The following SLC35F1 variants were observed in gnomAD, a reference collection of about 807,000 sequenced individuals.
The protein encoded by SLC35F1 is solute carrier family 35 member F1.
A neutral mutation model predicts 48.7 loss-of-function variants in SLC35F1; 14 were observed. That is an observed-to-expected ratio of 0.29 (90% CI 0.19 to 0.45). The LOEUF (loss-of-function observed/expected upper bound fraction) is 0.45, where lower values mean the gene tolerates loss of function less well. Ranked by LOEUF, SLC35F1 falls within the 20% of genes least tolerant of loss-of-function variation. SLC35F1 has a pLI of 1.00. For missense variants in SLC35F1, 404 were observed against 500.0 expected, an observed-to-expected ratio of 0.81 and a Z score of 1.83; for synonymous variants, 190 against 202.2, an observed-to-expected ratio of 0.94 and a Z score of 0.51.
chr6:118,306,223 C>T (rs955700238), intron 7 of SLC35F1, among the ~76,000 whole-genome samples: 6 of 152,114 alleles, frequency 3.9e-5, no homozygotes, highest in African/African-American at 1.2e-4. Context: ...TTCTGTCTTC[C>T]GGCAGAAGCG....
intron 1 of SLC35F1, among the ~76,000 whole-genome samples, chr6:118,067,599 T>C (rs757512317): frequency 3.9e-5 from 6 of 152,134 alleles, no homozygotes; most frequent in Non-Finnish European, 5.9e-5. Context: ...GGGGTAATGG[T>C]TAATAGTCTC....
At chr6:118,248,474 G>T (rs1364341522) in intron 3 of SLC35F1, among the ~76,000 whole-genome samples, 1 of 152,176 alleles carries the variant, frequency 6.6e-6, no homozygotes, top group Non-Finnish European at 1.5e-5. Context: ...GAAGTCCTTT[G>T]CAGGAGTCAG....
At chr6:118,197,272 C>CT (rs1395006536) in intron 2 of SLC35F1, among the ~76,000 whole-genome samples, 3 of 151,248 alleles carry the variant, frequency 2.0e-5, no homozygotes, top group Non-Finnish European at 4.4e-5. Context: ...CTTTCTATTT[C>CT]TTTTTTTGTC....
chr6:118,087,817 A>T (rs1162087351), intron 1 of SLC35F1, among the ~76,000 whole-genome samples: 1 of 152,182 alleles, frequency 6.6e-6, no homozygotes, highest in Non-Finnish European at 1.5e-5. Flanking sequence ...CTATTATGCT[A>T]ATGTTATTTA....
At chr6:118,008,507 G>A (rs964530304) in intron 1 of SLC35F1, among the ~76,000 whole-genome samples, 5 of 152,154 alleles carry the variant, frequency 3.3e-5, no homozygotes, top group Non-Finnish European at 5.9e-5. Flanking sequence ...GAGGAAGTTC[G>A]TAATAAAAGT....
At chr6:118,224,495 A>G (rs1554237827) in intron 2 of SLC35F1, among the ~76,000 whole-genome samples, 2 of 152,130 alleles carry the variant, frequency 1.3e-5, no homozygotes, top group African/African-American at 2.4e-5. Flanking sequence ...CCCAAGCTGA[A>G]TGCATCCTCC....
At chr6:118,205,503 G>A (rs1378935337) in intron 2 of SLC35F1, among the ~76,000 whole-genome samples, 1 of 152,218 alleles carries the variant, frequency 6.6e-6, no homozygotes, top group East Asian at 1.9e-4. Context: ...AAACCAGAAA[G>A]TAAGTGTTAG....
At chr6:118,049,245 T>C (rs1772348266) in intron 1 of SLC35F1, among the ~76,000 whole-genome samples, 1 of 152,062 alleles carries the variant, frequency 6.6e-6, no homozygotes, top group Admixed American at 6.6e-5. Context: ...ATGTTAGACC[T>C]AAAACCATAA....
chr6:118,188,137 A>T (rs1235900444), intron 2 of SLC35F1, among the ~76,000 whole-genome samples: 1 of 152,204 alleles, frequency 6.6e-6, no homozygotes, highest in African/African-American at 2.4e-5. Context: ...TGACAAAATG[A>T]TTCACTTTTT....
intron 1 of SLC35F1, among the ~76,000 whole-genome samples, chr6:117,935,308 CTATAAA>C: frequency 6.6e-6 from 1 of 152,122 alleles, no homozygotes; most frequent in Non-Finnish European, 1.5e-5. Flanking sequence ...AAGTTATGCT[CTATAAA>C]GTTGCTGCAA....
At chr6:118,204,831 C>T (rs1774914087) in intron 2 of SLC35F1, among the ~76,000 whole-genome samples, 1 of 152,146 alleles carries the variant, frequency 6.6e-6, no homozygotes, top group Admixed American at 6.5e-5. Context: ...ATACAGAGTT[C>T]GAAGAATCTT....
chr6:118,080,942 C>G lies in SLC35F1; in HGVS notation c.174-73503C>G, dbSNP rs139310354. On this transcript the variant is annotated intron_variant, in intron 1 of 7. Coordinates refer to ENST00000360388, the MANE Select transcript of SLC35F1 (RefSeq NM_001029858.4). ...ACCTGAAAATACTAACTGCCAGCCC[C>G]TCTCACCCCTTTATTGTGTAATATA... Among the ~76,000 whole-genome samples, 393 of 152,260 alleles carry G rather than the reference C, an allele frequency of 2.6e-3. 2 individuals are homozygous for G. The highest frequency in any genetic ancestry group is 9.2e-3 in the African/African-American group (381 of 41,552).
At chr6:118,277,198 A>C (rs914011507) in intron 5 of SLC35F1, among the ~76,000 whole-genome samples, 1 of 152,214 alleles carries the variant, frequency 6.6e-6, no homozygotes, top group African/African-American at 2.4e-5. Context: ...GCTTTTCAGA[A>C]AGTATCTGTC....
chr6:118,125,653 C>T (rs1366545039), intron 1 of SLC35F1, among the ~76,000 whole-genome samples: 1 of 152,128 alleles, frequency 6.6e-6, no homozygotes, highest in East Asian at 1.9e-4. Context: ...CCCAGATTCC[C>T]AGTGGGTGGG....
At chr6:118,163,165 T>C (rs768626957) in intron 2 of SLC35F1, among the ~76,000 whole-genome samples, 4 of 152,022 alleles carry the variant, frequency 2.6e-5, no homozygotes, top group Non-Finnish European at 5.9e-5. Context: ...GGTTTCACCA[T>C]GTTGGCCAGG....
At chr6:118,274,409 T>TA (rs1196316962) in intron 4 of SLC35F1, among the ~76,000 whole-genome samples, 1 of 152,188 alleles carries the variant, frequency 6.6e-6, no homozygotes, top group East Asian at 1.9e-4. Flanking sequence ...TATTTATTTA[T>TA]TTATTTGAGA....
intron 3 of SLC35F1, among the ~76,000 whole-genome samples, chr6:118,265,667 G>A (rs565147565): frequency 7.2e-5 from 11 of 152,298 alleles, no homozygotes; most frequent in Non-Finnish European, 1.3e-4. Context: ...GGAGAGGGTG[G>A]CATGAGTAGA....
intron 1 of SLC35F1, among the ~76,000 whole-genome samples, chr6:118,028,815 T>C (rs76997103): frequency 0.015 from 2,207 of 152,108 alleles, 62 homozygotes; most frequent in African/African-American, 0.05. Context: ...ATAAAGATAG[T>C]GGTTTTTAAA....
intron 3 of SLC35F1, among the ~76,000 whole-genome samples, chr6:118,265,669 A>G (rs1230863688): frequency 3.3e-5 from 5 of 152,200 alleles, no homozygotes; most frequent in Non-Finnish European, 7.4e-5. Context: ...AGAGGGTGGC[A>G]TGAGTAGATT....
Sources: allele counts gnomAD v4.1 joint callset (sites outside exome capture counted in the v4.1 genomes callset), GRCh38; gene constraint gnomAD v4.1.1; transcripts MANE v1.5; gene names NCBI Gene and HGNC (gene_info 2026-07-23, HGNC 2026-07-21).